ARMC3: variants seen among roughly 807,000 people sequenced by gnomAD.
ARMC3 encodes the protein armadillo repeat-containing protein 3.
ARMC3 carries 74 observed loss-of-function variants against 90.3 expected under a neutral mutation model. That is an observed-to-expected ratio of 0.82 (90% confidence interval 0.68 to 0.99). The LOEUF (loss-of-function observed/expected upper bound fraction) is 0.99, where lower values mean the gene tolerates loss of function less well. ARMC3 is among the 50% of genes least tolerant of loss of function. ARMC3 has a pLI of 0.00. For synonymous variants in ARMC3, 334 were observed against 361.8 expected, an observed-to-expected ratio of 0.92 and a Z score of 0.87; for missense variants, 958 against 1,042.8, an observed-to-expected ratio of 0.92 and a Z score of 1.12.
At chr10:22,993,475 G>T (rs1415211260) in intron 10 of ARMC3, among the ~76,000 whole-genome samples, 1 of 152,204 alleles carries the variant, frequency 6.6e-6, no homozygotes, top group African/African-American at 2.4e-5. Flanking sequence ...TCGCAGTGTT[G>T]CTGGATCCTA....
At chr10:22,944,109 A>G (rs1236299984) in intron 2 of ARMC3, among the ~76,000 whole-genome samples, 2 of 151,910 alleles carry the variant, frequency 1.3e-5, no homozygotes, top group African/African-American at 4.8e-5. Context: ...TGTATGGTTG[A>G]TATACTTTTT....
intron 16 of ARMC3, among the ~76,000 whole-genome samples, chr10:23,030,142 T>A (rs1415040490): frequency 1.3e-5 from 2 of 151,802 alleles, no homozygotes; most frequent in African/African-American, 4.9e-5. Flanking sequence ...TCCTGCCTAA[T>A]ATAGACTCTA....
At chr10:23,020,020 C>T (rs1263353699) in intron 16 of ARMC3, among the ~76,000 whole-genome samples, 1 of 152,202 alleles carries the variant, frequency 6.6e-6, no homozygotes, top group African/African-American at 2.4e-5. Context: ...AGTATATGTC[C>T]ACTCACCTGT....
intron 7 of ARMC3, among the ~76,000 whole-genome samples, chr10:22,964,257 T>C (rs2131273651): frequency 1.3e-5 from 2 of 152,280 alleles, no homozygotes; most frequent in Admixed American, 1.3e-4. Context: ...TAAAAGGAAC[T>C]AAAGAGATAA....
At chr10:22,981,790 G>A (rs1836203713) in intron 10 of ARMC3, 90 bp downstream of exon 10, 1 of 1,114,080 alleles carries the variant, frequency 9.0e-7, no homozygotes, top group Admixed American at 2.1e-5. Flanking sequence ...TTTCACGATA[G>A]TCTATGAATT....
chr10:22,972,153 T>C (rs374239101), intron 8 of ARMC3, among the ~76,000 whole-genome samples: 1 of 152,216 alleles, frequency 6.6e-6, no homozygotes, highest in African/African-American at 2.4e-5. Flanking sequence ...TTTTACTCTG[T>C]TGATTGTGTG....
chr10:22,962,876 A>G (rs1023226709), intron 7 of ARMC3, among the ~76,000 whole-genome samples: 2 of 152,224 alleles, frequency 1.3e-5, no homozygotes, highest in Non-Finnish European at 2.9e-5. Context: ...TGGCACAAGC[A>G]TGTTCCCAGC....
intron 7 of ARMC3, among the ~76,000 whole-genome samples, chr10:22,963,804 C>A (rs1223740483): frequency 6.7e-6 from 1 of 150,126 alleles, no homozygotes; most frequent in South Asian, 2.1e-4. Flanking sequence ...GCAGAAGAAT[C>A]ACTTGAACCC....
intron 8 of ARMC3, among the ~76,000 whole-genome samples, chr10:22,972,029 T>C (rs888262115): frequency 6.6e-6 from 1 of 152,258 alleles, no homozygotes; most frequent in Non-Finnish European, 1.5e-5. Flanking sequence ...TCTCCCATTT[T>C]TTGATTGGGT....
chr10:23,008,085 T>C (rs1346405092), intron 14 of ARMC3, among the ~76,000 whole-genome samples, 191 bp from the exon 15 acceptor site: 4 of 152,094 alleles, frequency 2.6e-5, no homozygotes, highest in Non-Finnish European at 5.9e-5. Context: ...GCCTGGGCGA[T>C]AGAGTGAGAT....
At chr10:22,935,585 A>G (rs1228976170) in intron 2 of ARMC3, among the ~76,000 whole-genome samples, 2 of 152,174 alleles carry the variant, frequency 1.3e-5, no homozygotes, top group African/African-American at 4.8e-5. Context: ...TTTTGTAAAT[A>G]ATTTTGTTTT....
chr10:22,962,443 G>T (rs1835240024), intron 7 of ARMC3, among the ~76,000 whole-genome samples: 1 of 152,078 alleles, frequency 6.6e-6, no homozygotes, highest in South Asian at 2.1e-4. Flanking sequence ...GTCCATAGTT[G>T]CTAATAAGCT....
intron 2 of ARMC3, among the ~76,000 whole-genome samples, chr10:22,942,241 G>T (rs772140522): frequency 6.6e-6 from 1 of 152,198 alleles, no homozygotes; most frequent in Non-Finnish European, 1.5e-5. Flanking sequence ...AAGTCAAGTT[G>T]TATCTTTCAC....
chr10:22,933,636 A>G (rs1227047056), intron 2 of ARMC3, among the ~76,000 whole-genome samples: 1 of 152,146 alleles, frequency 6.6e-6, no homozygotes, highest in African/African-American at 2.4e-5. Context: ...TAAAACTGAC[A>G]GAGTGTTGGG....
chr10:22,934,756 A>G (rs1332874243), intron 2 of ARMC3, among the ~76,000 whole-genome samples: 2 of 152,178 alleles, frequency 1.3e-5, no homozygotes, highest in Non-Finnish European at 2.9e-5. Context: ...GGTTAGATCA[A>G]TGTAAAATGC....
intron 8 of ARMC3, among the ~76,000 whole-genome samples, chr10:22,969,239 T>C (rs1231126498): frequency 2.0e-5 from 3 of 152,244 alleles, no homozygotes; most frequent in Admixed American, 6.5e-5. Context: ...TGACAAGTTA[T>C]GTTGATATAA....
intron 4 of ARMC3, among the ~76,000 whole-genome samples, chr10:22,957,030 ACT>A (rs1158144930): frequency 6.6e-6 from 1 of 152,064 alleles, no homozygotes; most frequent in African/African-American, 2.4e-5. Context: ...TTTAAATGAC[ACT>A]CTTAGTGGAG....
At chr10:22,997,335 C>T (rs181141277) in intron 10 of ARMC3, 38 of 152,180 alleles carry the variant, frequency 2.5e-4, no homozygotes, top group East Asian at 1.9e-3. Context: ...GGAGACTGCC[C>T]GGGAAAACCG....
intron 7 of ARMC3, among the ~76,000 whole-genome samples, chr10:22,963,919 A>G (rs1468945711): frequency 4.2e-5 from 2 of 47,358 alleles, no homozygotes; most frequent in African/African-American, 1.8e-4. Flanking sequence ...ACACACACAC[A>G]CACAAAAAAA....
Sources: allele counts gnomAD v4.1 joint callset (sites outside exome capture counted in the v4.1 genomes callset), GRCh38; gene constraint gnomAD v4.1.1; transcripts MANE v1.5; gene names NCBI Gene and HGNC (gene_info 2026-07-23, HGNC 2026-07-21).